Variants in CADM2 observed in about 807,000 individuals in gnomAD.
The protein encoded by CADM2 is cell adhesion molecule 2, also known as immunoglobulin superfamily member 4D.
In CADM2, 12 loss-of-function variants were observed where a neutral mutation model predicts 49.8. That is an observed-to-expected ratio of 0.24 (90% confidence interval 0.15 to 0.39). The LOEUF is 0.39. Among genes scored for constraint, CADM2 ranks in the 10% least tolerant of loss-of-function variants. The probability of loss-of-function intolerance (pLI) is 1.00; values close to 1 mark genes in which losing one functional copy is unlikely to be tolerated. For synonymous variants in CADM2, 214 were observed against 175.4 expected, an observed-to-expected ratio of 1.22 and a Z score of -1.74; for missense variants, 378 against 492.3, an observed-to-expected ratio of 0.77 and a Z score of 2.20.
intron 1 of CADM2, among the ~76,000 whole-genome samples, chr3:85,486,162 A>T (rs1436598836): frequency 6.6e-6 from 1 of 152,128 alleles, no homozygotes; most frequent in East Asian, 1.9e-4. Flanking sequence ...GTAGACATTA[A>T]ACTGCTATCT....
At chr3:85,467,998 C>CA (rs1392979638) in intron 1 of CADM2, among the ~76,000 whole-genome samples, 10 of 151,676 alleles carry the variant, frequency 6.6e-5, no homozygotes, top group African/African-American at 9.7e-5. Context: ...ACTAAAAATA[C>CA]AAAAAATTAG....
chr3:85,441,291 T>C (rs900908573), intron 1 of CADM2, among the ~76,000 whole-genome samples: 2 of 151,944 alleles, frequency 1.3e-5, no homozygotes, highest in African/African-American at 4.8e-5. Flanking sequence ...ATCATTAAGA[T>C]TTATGGATTG....
intron 1 of CADM2, among the ~76,000 whole-genome samples, chr3:85,550,565 C>A (rs2061777255): frequency 6.6e-6 from 1 of 152,154 alleles, no homozygotes; most frequent in African/African-American, 2.4e-5. Flanking sequence ...ATGTAGGTAA[C>A]ACAAACTCTT....
chr3:84,976,274 C>G (rs1373256495), intron 1 of CADM2, among the ~76,000 whole-genome samples: 1 of 151,560 alleles, frequency 6.6e-6, no homozygotes, highest in Non-Finnish European at 1.5e-5. Context: ...TGAAAGTTGA[C>G]ATTTTGGTAG....
intron 1 of CADM2, among the ~76,000 whole-genome samples, chr3:85,084,811 T>C (rs1010519582): frequency 1.2e-4 from 18 of 152,166 alleles, no homozygotes; most frequent in African/African-American, 4.1e-4. Context: ...ATTTTAGGTA[T>C]AAATTTCAAT....
chr3:85,039,639 C>T (rs1425292682), intron 1 of CADM2, among the ~76,000 whole-genome samples: 1 of 151,954 alleles, frequency 6.6e-6, no homozygotes. Context: ...CTTTTTAGTC[C>T]CATGTATACT....
rs537299845 is a variant in CADM2 at position 85,500,470 on chromosome 3, ATTGG to A, written c.62-226049_62-226046del. ...TGGTGTGTCTTATAATTGATGGCTT[ATTGG>A]TTTTGATGAAATAAACTTCATTTCT... On this transcript the variant is annotated intron_variant, in intron 1 of 9. Coordinates refer to ENST00000383699, the MANE Select transcript of CADM2 (RefSeq NM_001167675.2). Among the ~76,000 whole-genome samples the A allele has an allele frequency of 7.9e-5, 12 of 151,700 alleles. No homozygotes were observed. The South Asian group carries it at 2.1e-3, about 26-fold the overall frequency.
intron 1 of CADM2, among the ~76,000 whole-genome samples, chr3:85,495,309 TA>T (rs1163083741): frequency 6.6e-6 from 1 of 152,146 alleles, no homozygotes; most frequent in Non-Finnish European, 1.5e-5. Context: ...TAAGAAATCA[TA>T]GGGGCAGATG....
intron 1 of CADM2, among the ~76,000 whole-genome samples, chr3:85,553,245 C>T (rs2061860574): frequency 6.6e-6 from 1 of 152,004 alleles, no homozygotes; most frequent in Admixed American, 6.6e-5. Flanking sequence ...GATGATGATG[C>T]CTGCTTACCA....
intron 1 of CADM2, among the ~76,000 whole-genome samples, chr3:85,205,607 A>G (rs1446406730): frequency 6.6e-6 from 1 of 152,148 alleles, no homozygotes; most frequent in East Asian, 1.9e-4. Context: ...GTTTAAAAAG[A>G]GTAAAAAGTA....
intron 1 of CADM2, among the ~76,000 whole-genome samples, chr3:85,716,875 A>T (rs9835772): frequency 0.18 from 26,994 of 152,118 alleles, 2,999 homozygotes; most frequent in Non-Finnish European, 0.24. Context: ...TGGTGCCAGA[A>T]CCGTGCTGTT....
chr3:85,590,248 T>G (rs1213369761), intron 1 of CADM2, among the ~76,000 whole-genome samples: 1 of 151,986 alleles, frequency 6.6e-6, no homozygotes, highest in Non-Finnish European at 1.5e-5. Context: ...TATACAGAAG[T>G]GGCCTTTGAC....
chr3:85,390,214 T>C (rs1307969315), intron 1 of CADM2, among the ~76,000 whole-genome samples: 2 of 152,098 alleles, frequency 1.3e-5, no homozygotes, highest in Non-Finnish European at 2.9e-5. Context: ...CATAGTTCTT[T>C]GTTTTTCCAT....
intron 3 of CADM2, among the ~76,000 whole-genome samples, chr3:85,808,948 G>A (rs901040866): frequency 6.6e-6 from 1 of 152,146 alleles, no homozygotes; most frequent in Non-Finnish European, 1.5e-5. Context: ...CTGGCTCTAT[G>A]CCAATCCATG....
chr3:85,080,029 G>C (rs144519529), intron 1 of CADM2, among the ~76,000 whole-genome samples: 1 of 151,874 alleles, frequency 6.6e-6, no homozygotes, highest in African/African-American at 2.4e-5. Flanking sequence ...GTATTGAAGT[G>C]TCAAGAAAAA....
chr3:85,434,399 C>A (rs2036831161), intron 1 of CADM2, among the ~76,000 whole-genome samples: 1 of 151,792 alleles, frequency 6.6e-6, no homozygotes, highest in South Asian at 2.1e-4. Flanking sequence ...TTATGATTAT[C>A]TTTGAAAAAT....
At chr3:85,642,145 G>C (rs35623690) in intron 1 of CADM2, among the ~76,000 whole-genome samples, 52,776 of 151,910 alleles carry the variant, frequency 0.35, 9,573 homozygotes, top group East Asian at 0.61. Flanking sequence ...GAGATGTGTG[G>C]AAAGTGTCTC....
At chr3:85,350,416 A>G (rs535674372) in intron 1 of CADM2, among the ~76,000 whole-genome samples, 4 of 152,194 alleles carry the variant, frequency 2.6e-5, no homozygotes, top group Non-Finnish European at 5.9e-5. Flanking sequence ...GTGCATTTTG[A>G]TTTATTCCTA....
chr3:85,401,959 A>G (rs2035133786), intron 1 of CADM2, among the ~76,000 whole-genome samples: 1 of 152,182 alleles, frequency 6.6e-6, no homozygotes, highest in Non-Finnish European at 1.5e-5. Context: ...CCGTTATTTC[A>G]CTAATGCTAC....
Sources: gnomAD v4.1 joint callset for allele counts (sites outside exome capture counted in the v4.1 genomes callset) on GRCh38, gnomAD v4.1.1 for gene constraint, MANE v1.5 for transcripts, NCBI Gene and HGNC (gene_info 2026-07-23, HGNC 2026-07-21) for gene names.